The following PPARGC1A variants were observed in gnomAD, a reference collection of about 807,000 sequenced individuals.
The protein encoded by PPARGC1A is PPARG coactivator 1 alpha.
A neutral mutation model predicts 88.7 loss-of-function variants in PPARGC1A; 25 were observed. That is an observed-to-expected ratio of 0.28 (90% CI 0.21 to 0.39). The LOEUF (loss-of-function observed/expected upper bound fraction) is 0.39, where lower values mean the gene tolerates loss of function less well. PPARGC1A is among the 10% of genes least tolerant of loss of function. The pLI is 1.00. For missense variants in PPARGC1A, 880 were observed against 968.7 expected (o/e 0.91, Z 1.22); for synonymous variants, 363 against 355.6 (o/e 1.02, Z -0.24).
At chr4:24,379,990 C>G in the PPARGC1A span, among the ~76,000 whole-genome samples, 2 of 152,212 alleles carry the variant, frequency 1.3e-5, no homozygotes, top group South Asian at 4.2e-4. Context: ...GTTGGCCAGG[C>G]TGGTCTCGAA....
chr4:24,299,994 T>A, the PPARGC1A span, among the ~76,000 whole-genome samples: 3 of 152,192 alleles, frequency 2.0e-5, no homozygotes, highest in Non-Finnish European at 1.5e-5. Context: ...AACATTTCCA[T>A]ATTTGCAATT....
the PPARGC1A span, among the ~76,000 whole-genome samples, chr4:24,116,104 CA>C: frequency 2.6e-5 from 4 of 152,168 alleles, no homozygotes; most frequent in Admixed American, 6.5e-5. Context: ...ATATCCTAAG[CA>C]AGTCCACCCC....
chr4:24,216,260 G>A, the PPARGC1A span, among the ~76,000 whole-genome samples: 5 of 149,386 alleles, frequency 3.3e-5, no homozygotes, highest in East Asian at 1.0e-3. Flanking sequence ...CGATCCTAGT[G>A]CCTCAGCCTC....
chr4:24,234,309 T>C, the PPARGC1A span, among the ~76,000 whole-genome samples: 27 of 152,230 alleles, frequency 1.8e-4, no homozygotes, highest in Non-Finnish European at 3.2e-4. Flanking sequence ...AAGGGAAATA[T>C]TTTAAAAGTC....
At chr4:24,122,383 G>A in the PPARGC1A span, among the ~76,000 whole-genome samples, 47 of 125,246 alleles carry the variant, frequency 3.8e-4, no homozygotes, top group Middle Eastern at 3.7e-3. Context: ...GTGTGTATGC[G>A]TATGTGTGTG....
At chr4:24,295,266 G>A in the PPARGC1A span, among the ~76,000 whole-genome samples, 1 of 152,202 alleles carries the variant, frequency 6.6e-6, no homozygotes, top group African/African-American at 2.4e-5. Flanking sequence ...AACTTTGAGA[G>A]ATGTTTATTG....
the PPARGC1A span, among the ~76,000 whole-genome samples, chr4:24,215,084 C>T: frequency 7.0e-3 from 1,072 of 152,232 alleles, 11 homozygotes; most frequent in African/African-American, 0.024. Context: ...AGCAGCTAAT[C>T]CAAGAGCCAA....
chr4:24,219,904 A>C, the PPARGC1A span, among the ~76,000 whole-genome samples: 3 of 152,230 alleles, frequency 2.0e-5, no homozygotes, highest in Admixed American at 2.0e-4. Context: ...ATCAGTAAAG[A>C]GAAGTGATTT....
chr4:24,339,370 TTTTC>T, the PPARGC1A span, among the ~76,000 whole-genome samples: 3 of 151,958 alleles, frequency 2.0e-5, no homozygotes, highest in Admixed American at 1.3e-4. Flanking sequence ...CTGATTTTTT[TTTTC>T]TTTATCTTAT....
chr4:24,414,418 G>A, the PPARGC1A span, among the ~76,000 whole-genome samples: 1 of 152,164 alleles, frequency 6.6e-6, no homozygotes, highest in Non-Finnish European at 1.5e-5. Flanking sequence ...GATAGATAGG[G>A]GCAAAGGATG....
At chr4:23,962,559 G>T in the PPARGC1A span, among the ~76,000 whole-genome samples, 5 of 152,088 alleles carry the variant, frequency 3.3e-5, no homozygotes, top group Non-Finnish European at 5.9e-5. Flanking sequence ...TCCAAACTGG[G>T]TGTTGGAAAC....
At chr4:24,158,884 T>C in the PPARGC1A span, among the ~76,000 whole-genome samples, 1 of 152,200 alleles carries the variant, frequency 6.6e-6, no homozygotes, top group African/African-American at 2.4e-5. Context: ...CTAGAATATA[T>C]ATAATATTTC....
At chr4:24,438,349 C>A in the PPARGC1A span, among the ~76,000 whole-genome samples, 1 of 152,134 alleles carries the variant, frequency 6.6e-6, no homozygotes, top group African/African-American at 2.4e-5. Flanking sequence ...GATTTTCCAC[C>A]AGAGGCGAGG....
the PPARGC1A span, among the ~76,000 whole-genome samples, chr4:24,011,113 T>G: frequency 6.6e-6 from 1 of 152,202 alleles, no homozygotes; most frequent in Non-Finnish European, 1.5e-5. Flanking sequence ...GTCTGCTACC[T>G]GTAAAACTGC....
the PPARGC1A span, among the ~76,000 whole-genome samples, chr4:24,183,976 A>C: frequency 6.6e-6 from 1 of 152,216 alleles, no homozygotes; most frequent in African/African-American, 2.4e-5. Context: ...AAAGCTGCTG[A>C]ATCTTCTTTT....
chr4:24,355,267 G>A, the PPARGC1A span, among the ~76,000 whole-genome samples: 208 of 152,274 alleles, frequency 1.4e-3, 1 homozygote, highest in African/African-American at 4.6e-3. Context: ...TATTAGTCAA[G>A]GGACATGCTA....
the PPARGC1A span, among the ~76,000 whole-genome samples, chr4:24,324,217 C>T: frequency 1.4e-5 from 2 of 144,678 alleles, no homozygotes; most frequent in Non-Finnish European, 2.9e-5. Flanking sequence ...AACCCCTTCT[C>T]TCCTTGTCTC....
chr4:23,862,271 G>T (rs893902555), intron 2 of PPARGC1A, among the ~76,000 whole-genome samples: 1 of 152,178 alleles, frequency 6.6e-6, no homozygotes, highest in Admixed American at 6.5e-5. Context: ...TTTAGGTAGA[G>T]GTGGAATTAA....
At chr4:24,221,637 G>GTGA in the PPARGC1A span, among the ~76,000 whole-genome samples, 5 of 152,206 alleles carry the variant, frequency 3.3e-5, no homozygotes, top group Admixed American at 3.3e-4. Context: ...GCTGACTGCA[G>GTGA]TGACTCAGGC....
Sources: allele counts gnomAD v4.1 joint callset (sites outside exome capture counted in the v4.1 genomes callset), GRCh38; gene constraint gnomAD v4.1.1; transcripts MANE v1.5; gene names NCBI Gene and HGNC (gene_info 2026-07-23, HGNC 2026-07-21).